The following PARS2 variants were observed in gnomAD, a reference collection of about 807,000 sequenced individuals.
The protein encoded by PARS2 is prolyl-tRNA synthetase 2, mitochondrial, also known as probable proline--tRNA ligase, mitochondrial.
A neutral mutation model predicts 27.4 loss-of-function variants in PARS2; 20 were observed. The observed-to-expected ratio is 0.73, with a 90% confidence interval of 0.51 to 1.06. PARS2 has a LOEUF of 1.06. Among genes scored for constraint, PARS2 ranks in the 50% least tolerant of loss-of-function variants. The probability of loss-of-function intolerance (pLI) is 0.00; values close to 1 mark genes in which losing one functional copy is unlikely to be tolerated. For missense variants in PARS2, 585 were observed against 602.1 expected (o/e 0.97, Z 0.30); for synonymous variants, 240 against 247.1 (o/e 0.97, Z 0.27).
intron 1 of PARS2, among the ~76,000 whole-genome samples, chr1:54,762,431 T>C (rs566295862): frequency 1.1e-4 from 17 of 152,268 alleles, no homozygotes; most frequent in African/African-American, 4.1e-4. Context: ...TGAGCCACCA[T>C]GCCCGGTTGG....
At chr1:54,764,180 G>A (rs577876182) in intron 1 of PARS2, among the ~76,000 whole-genome samples, 1 of 152,334 alleles carries the variant, frequency 6.6e-6, no homozygotes, top group East Asian at 1.9e-4. Flanking sequence ...GGCAGCAGGT[G>A]GTCCCAGGGC....
chr1:54,758,486 C>A lies in PARS2; in HGVS notation c.676G>T (p.Val226Leu), dbSNP rs1646135022. Residue 226 changes from valine (V) to leucine (L), a missense_variant, in exon 2 of 2, where the codon GTG becomes TTG. Transcript: ENST00000371279. ...AACAGGCTGCAGTAGGCATCACACACCAGGCTGTAGGTCTGCTGGGCAGCC... is the reference window on the plus strand; with the variant it reads ...AACAGGCTGCAGTAGGCATCACACAACAGGCTGTAGGTCTGCTGGGCAGCC... ...PEAAQQTYSL[V>L]CDAYCSLFNK... The A allele has an allele frequency of 6.2e-7, 1 of 1,614,032 alleles. No homozygotes were observed. The highest frequency in any genetic ancestry group is 1.3e-5 in the African/African-American group (1 of 74,914).
chr1:54,759,278 C>T (rs908703985), intron 1 of PARS2, 88 bp from the exon 2 acceptor site: 6 of 708,884 alleles, frequency 8.5e-6, no homozygotes, highest in South Asian at 4.3e-5. Flanking sequence ...CAACAAACTT[C>T]GAAGGCAGCC....
At chr1:54,763,284 T>C (rs184295992) in intron 1 of PARS2, among the ~76,000 whole-genome samples, 33 of 152,322 alleles carry the variant, frequency 2.2e-4, no homozygotes, top group African/African-American at 7.0e-4. Flanking sequence ...GGAACTATTG[T>C]GTGCCAGGCA....
At position 54,758,761 on chromosome 1, in the gene PARS2, C is replaced by G; in HGVS notation, c.401G>C (p.Trp134Ser). 6.2e-7 allele frequency: 1 copy of G among 1,614,212 alleles called. No individual in the cohort carries two copies. The highest frequency in any genetic ancestry group is 8.5e-7 in the Non-Finnish European group (1 of 1,180,030). ...TAGCAGCTCTTTGCCCATCAAGTCC[C>G]ACCGGTTGGTGGCTTGCCAGAGCTC... is the stretch of plus-strand genomic sequence containing the variant. ...PAELWQATNR[W>S]DLMGKELLRL... is the part of the protein sequence containing the mutation. Residue 134 changes from tryptophan to serine, a missense_variant, in exon 2 of 2, where the codon TGG becomes TCG. Transcript: ENST00000371279.
chr1:54,758,681 C>T lies in PARS2; in HGVS notation c.481G>A (p.Ala161Thr), dbSNP rs780812512. The change falls in exon 2 of 2, where the codon GCC becomes ACC. Residue 161 changes from alanine (A) to threonine (T), a missense_variant. Ala to Thr is a moderately conservative substitution (Grantham distance 58, BLOSUM62 0). Transcript: ENST00000371279. ...EYCLGPTHEE[A>T]ITALIASQKK... ...TGGGAGGCAATTAAGGCCGTAATGG[C>T]TTCCTCGTGAGTTGGTCCTAAGCAG... 6.2e-7 allele frequency: 1 copy of T among 1,614,226 alleles called. No individual in the cohort carries two copies. The highest frequency in any genetic ancestry group is 1.7e-5 in the Admixed American group (1 of 60,030).
rs770412142 is a variant in PARS2, at chr1:54,758,902, C to T, written c.260G>A (p.Cys87Tyr). 12 of 1,614,206 alleles carry T rather than the reference C, an allele frequency of 7.4e-6. No homozygotes were observed. The highest frequency in any genetic ancestry group is 9.3e-6 in the Non-Finnish European group (11 of 1,180,042). Residue 87 changes from cysteine (C) to tyrosine (Y), a missense_variant, in exon 2 of 2, where the codon TGT becomes TAT. Cys to Tyr is a radical substitution (Grantham distance 194). Transcript: ENST00000371279. ...VGLIYPASPG[C>Y]YHLLPYTVRA... ...GACGGTATATGGCAGGAGGTGGTAA[C>T]AGCCGGGGCTTGCTGGGTAGATCAG...
chr1:54,761,073 C>T (rs1220717956), intron 1 of PARS2, among the ~76,000 whole-genome samples: 1 of 152,178 alleles, frequency 6.6e-6, no homozygotes, highest in African/African-American at 2.4e-5. Flanking sequence ...CCACTGCGCC[C>T]GGCCCCATGC....
At chr1:54,760,264 A>C (rs1008784220) in intron 1 of PARS2, among the ~76,000 whole-genome samples, 3 of 152,092 alleles carry the variant, frequency 2.0e-5, no homozygotes, top group African/African-American at 7.2e-5. Flanking sequence ...AGGTACTTCA[A>C]AACTCTGTGT....
chr1:54,760,300 C>T (rs546778307), intron 1 of PARS2, among the ~76,000 whole-genome samples: 12 of 152,262 alleles, frequency 7.9e-5, no homozygotes, highest in Admixed American at 2.0e-4. Flanking sequence ...GCATTCTCCC[C>T]GCAAACCTAC....
At position 54,758,947 on chromosome 1, in the gene PARS2, C is replaced by T. The variant is rs774799392; in HGVS notation, c.215G>A (p.Arg72Gln). The stretch of plus-strand genomic sequence containing the variant: ...GATCAGGCCCACCTGCAGCATCAGC[C>T]GCTGGCTCTTACAGGTCAGGTCATC... ...KSDDLTCKSQ[R>Q]LMLQVGLIYP... The change falls in exon 2 of 2, where the codon CGG (arginine) becomes CAG (glutamine). Residue 72 changes from arginine (R) to glutamine (Q), a missense_variant. Coordinates refer to ENST00000371279, the MANE Select transcript of PARS2 (RefSeq NM_152268.4). The T allele has an allele frequency of 1.2e-5, 19 of 1,613,888 alleles. No homozygotes were observed. Among genetic ancestry groups the T allele is most frequent in the South Asian group, 3.3e-5 (3 of 91,074 alleles).
At chr1:54,764,003 C>T (rs189346379) in intron 1 of PARS2, among the ~76,000 whole-genome samples, 103 of 152,358 alleles carry the variant, frequency 6.8e-4, no homozygotes, top group Non-Finnish European at 1.4e-3. Flanking sequence ...AGGTCCCCGC[C>T]TCCAAATCCT....
chr1:54,758,251 C>A lies in PARS2; in HGVS notation c.911G>T (p.Gly304Val). 1 of 1,614,176 alleles carries A rather than the reference C, an allele frequency of 6.2e-7. No homozygotes were observed. The highest frequency in any genetic ancestry group is 8.5e-7 in the Non-Finnish European group (1 of 1,180,022). The change falls in exon 2 of 2, where the codon GGC becomes GTC. Residue 304 changes from glycine to valine, a missense_variant. Transcript: ENST00000371279. ...GTAAAATGTGTGCCCCACCTCAATG[C>A]CTTTGGTTTTAGTCAATGGGCCCTG... ...ACQGPLTKTK[G>V]IEVGHTFYLG... is the part of the protein sequence containing the mutation.
rs537307752 is a variant in PARS2 at position 54,760,928 on chromosome 1, G to A, written c.-29-1738C>T. 3.0e-3 allele frequency among the ~76,000 whole-genome samples: 450 copies of A among 152,186 alleles called. 1 individual carries two copies. The highest frequency in any genetic ancestry group is 1.0e-2 in the African/African-American group (415 of 41,526). ...CGAGTAACTGGGACTACAGGCACCC[G>A]CCACCATGCCCGCTAATTTTTTTGT... On this transcript the variant is annotated intron_variant, in intron 1 of 1. Coordinates refer to ENST00000371279, the MANE Select transcript of PARS2 (RefSeq NM_152268.4).
chr1:54,761,972 C>T (rs1367724434), intron 1 of PARS2, among the ~76,000 whole-genome samples: 2 of 152,190 alleles, frequency 1.3e-5, no homozygotes, highest in African/African-American at 4.8e-5. Flanking sequence ...TCCTTGATTC[C>T]TCCTAAAGCA....
At chr1:54,760,240 A>G (rs912009958) in intron 1 of PARS2, among the ~76,000 whole-genome samples, 2 of 152,116 alleles carry the variant, frequency 1.3e-5, no homozygotes, top group Non-Finnish European at 2.9e-5. Flanking sequence ...TGCCTCCTGG[A>G]GAATACATCA....
At chr1:54,763,960 A>C (rs1325029017) in intron 1 of PARS2, among the ~76,000 whole-genome samples, 1 of 152,258 alleles carries the variant, frequency 6.6e-6, no homozygotes. Context: ...CAAGCCACAC[A>C]GCAAATAAGC....
chr1:54,758,057 G>A lies in PARS2; in HGVS notation c.1105C>T (p.Pro369Ser), dbSNP rs1646131929. 29 of 1,613,930 alleles carry A rather than the reference G, an allele frequency of 1.8e-5. No homozygotes were observed. Among genetic ancestry groups the A allele is most frequent in the Non-Finnish European group, 2.0e-5 (24 of 1,179,906 alleles). The change falls in exon 2 of 2, where the codon CCT becomes TCT. Residue 369 changes from proline to serine, a missense_variant. Pro to Ser is a moderately conservative substitution (Grantham distance 74). Transcript: ENST00000371279. Reference protein sequence around the residue: ...DCVRWPSLLAPYQACLIPPKK... With the variant: ...DCVRWPSLLASYQACLIPPKK... ...GGGGGGATGAGGCAGGCTTGGTAAG[G>A]GGCCAGTAGGCTGGGCCAGCGGACA...
intron 1 of PARS2, 143 bp downstream of exon 1, chr1:54,764,318 C>T (rs1477282471): frequency 2.0e-5 from 3 of 152,250 alleles, no homozygotes; most frequent in African/African-American, 7.2e-5. Context: ...TTATGGGATT[C>T]TCGCCCGCCC....
Sources: gnomAD v4.1 joint callset for allele counts (sites outside exome capture counted in the v4.1 genomes callset) on GRCh38, gnomAD v4.1.1 for gene constraint, MANE v1.5 for transcripts, NCBI Gene and HGNC (gene_info 2026-07-23, HGNC 2026-07-21) for gene names.